MET: variants seen among roughly 807,000 people sequenced by gnomAD.
The protein encoded by MET is hepatocyte growth factor receptor.
In MET, 48 loss-of-function variants were observed where a neutral mutation model predicts 133.1. The ratio of observed to expected loss-of-function variants is 0.36; its 90% CI spans 0.29 to 0.46. The LOEUF (loss-of-function observed/expected upper bound fraction) is 0.46, where lower values mean the gene tolerates loss of function less well. Among genes scored for constraint, MET ranks in the 20% least tolerant of loss-of-function variants. The pLI is 1.00. For missense variants in MET, 1,442 were observed against 1,695.9 expected (o/e 0.85, Z 2.63); for synonymous variants, 628 against 616.5 (o/e 1.02, Z -0.28).
At chr7:116,687,892 T>G (rs1796617409) in intron 1 of MET, among the ~76,000 whole-genome samples, 1 of 152,234 alleles carries the variant, frequency 6.6e-6, no homozygotes, top group Non-Finnish European at 1.5e-5. Flanking sequence ...GGTGCTGATT[T>G]CTCTTTCTTT....
chr7:116,783,272 G>A (rs1380201461), intron 18 of MET, 32 bp from the exon 19 acceptor site: 1 of 1,613,524 alleles, frequency 6.2e-7, no homozygotes, highest in African/African-American at 1.3e-5. Flanking sequence ...TTCTATTTCA[G>A]CCACGGGTAA....
At chr7:116,707,232 T>A (rs928307784) in intron 2 of MET, among the ~76,000 whole-genome samples, 1 of 152,112 alleles carries the variant, frequency 6.6e-6, no homozygotes, top group Non-Finnish European at 1.5e-5. Context: ...GTTTTAACCA[T>A]TCTTGGTGAT....
Position 116,740,757 on chromosome 7 carries a change from A to T in MET, c.1528-95A>T. The T allele has an allele frequency of 1.4e-6, 2 of 1,476,072 alleles. 1 individual carries two copies. Among genetic ancestry groups the T allele is most frequent in the South Asian group, 2.3e-5 (2 of 87,084 alleles). 91.4% of individuals were successfully genotyped at this position (1,476,072 alleles called of 1,614,324 possible). On this transcript the variant is annotated intron_variant, in intron 4 of 20. Transcript: ENST00000397752. ...TGCTAAGTCTAGAAAATTCCATCAA[A>T]TGATATTTACATGTACCTTTTGTGT...
At position 116,681,086 on chromosome 7, in the gene MET, T is replaced by C. The variant is rs568293455; in HGVS notation, c.-15+8509T>C. On this transcript the variant is annotated intron_variant, in intron 1 of 20. Coordinates refer to ENST00000397752, the MANE Select transcript of MET (RefSeq NM_000245.4). The stretch of plus-strand genomic sequence containing the variant: ...AATTTCTGCCAACTTGTGTTACATG[T>C]GGTTTGATTCTGGAGAAAGATAGAC... Among the ~76,000 whole-genome samples the C allele has an allele frequency of 4.3e-4, 65 of 152,270 alleles. 3 individuals are homozygous for C. Among genetic ancestry groups the C allele is most frequent in the Middle Eastern group, 3.4e-3 (1 of 294 alleles).
Position 116,778,850 on chromosome 7 carries a change from G to A in MET, c.3415G>A (p.Val1139Ile), listed in dbSNP as rs1795069790. The change falls in exon 17 of 21, where the codon GTC becomes ATC. Residue 1139 changes from valine (V) to isoleucine (I), a missense_variant. This residue lies in a region of MET where 514 missense variants were observed against 659.6 expected (regional missense o/e 0.78). Coordinates refer to ENST00000397752, the MANE Select transcript of MET (RefSeq NM_000245.4). ...IIMKDFSHPN[V>I]LSLLGICLRS... Reference sequence around the variant, plus strand: ...CATGAAAGATTTTAGTCATCCCAATGTCCTCTCGCTCCTGGGAATCTGCCT... The same window carrying A: ...CATGAAAGATTTTAGTCATCCCAATATCCTCTCGCTCCTGGGAATCTGCCT... 1.2e-6 allele frequency: 2 copies of A among 1,614,046 alleles called. No individual in the cohort carries two copies. Among genetic ancestry groups the A allele is most frequent in the Non-Finnish European group, 1.7e-6 (2 of 1,179,956 alleles).
At chr7:116,780,124 C>T (rs967602884) in intron 17 of MET, among the ~76,000 whole-genome samples, 2 of 152,098 alleles carry the variant, frequency 1.3e-5, no homozygotes, top group East Asian at 3.9e-4. Context: ...CTAAGGGTTA[C>T]AAAAAAAGGT....
chr7:116,737,562 T>C (rs1793266951), intron 3 of MET, among the ~76,000 whole-genome samples: 1 of 152,208 alleles, frequency 6.6e-6, no homozygotes, highest in African/African-American at 2.4e-5. Context: ...ATGTACTTTC[T>C]AGCTGAAATT....
chr7:116,787,321 A>G (rs947949854), intron 19 of MET, among the ~76,000 whole-genome samples: 13 of 152,218 alleles, frequency 8.5e-5, no homozygotes, highest in Admixed American at 4.6e-4. Flanking sequence ...TTAAGAAGCC[A>G]GAGCCAACCC....
At position 116,758,709 on chromosome 7, in the gene MET, C is replaced by T. The variant is rs17138978; in HGVS notation, c.2264+89C>T. 50,264 of 1,326,012 alleles carry T rather than the reference C, an allele frequency of 0.038. 1,641 individuals are homozygous for T. Among genetic ancestry groups the T allele is most frequent in the East Asian group, 0.1 (4,383 of 42,598 alleles). 82.1% of individuals were successfully genotyped at this position (1,326,012 alleles called of 1,614,324 possible). ...TAGTCAAGAGGAATTGCAGTTTTAT[C>T]TCTGGCTTTGATGCTGTTATGTTGC... On this transcript the variant is annotated intron_variant, in intron 9 of 20. Transcript: ENST00000397752.
At chr7:116,728,649 C>T (rs1344889163) in intron 2 of MET, among the ~76,000 whole-genome samples, 2 of 152,186 alleles carry the variant, frequency 1.3e-5, no homozygotes, top group Non-Finnish European at 2.9e-5. Flanking sequence ...TGGGCTTTAT[C>T]TCTGGTGACT....
intron 11 of MET, among the ~76,000 whole-genome samples, chr7:116,765,191 T>C (rs1794574315): frequency 6.8e-6 from 1 of 146,660 alleles, no homozygotes; most frequent in African/African-American, 2.6e-5. Context: ...TCCCAGCTAC[T>C]CAGGAGGCTG....
chr7:116,766,792 T>TA (rs1794642879), intron 11 of MET, among the ~76,000 whole-genome samples: 1 of 152,138 alleles, frequency 6.6e-6, no homozygotes, highest in Non-Finnish European at 1.5e-5. Flanking sequence ...ATAAAGATAG[T>TA]AAAAAATATA....
intron 6 of MET, among the ~76,000 whole-genome samples, chr7:116,755,918 T>A (rs1343474952): frequency 1.3e-5 from 2 of 152,204 alleles, no homozygotes; most frequent in Admixed American, 1.3e-4. Context: ...TCTTTTAAAT[T>A]CACTTTCTAA....
At position 116,700,283 on chromosome 7, in the gene MET, G is replaced by A. The variant is rs2116607774; in HGVS notation, c.1199G>A (p.Arg400Lys). ...YGPNHEHCFNRTLLRNSSGCE... is the reference protein window; with the variant it reads ...YGPNHEHCFNKTLLRNSSGCE... ...CCCAATCATGAGCACTGCTTTAATA[G>A]GGTAAGTCACATCAGTTCCCCACTT... The change falls in exon 2 of 21, where the codon AGG (arginine) becomes AAG (lysine). Residue 400 changes from arginine to lysine, a missense_variant and splice_region_variant. Physicochemically the swap from Arg to Lys is conservative, Grantham distance 26. Around this residue, in one of 6 missense-constraint regions of MET, gnomAD observed 762 missense variants for 792.4 expected, o/e 0.96. Transcript: ENST00000397752. 6.2e-7 allele frequency: 1 copy of A among 1,602,354 alleles called. No individual in the cohort carries two copies.
intron 5 of MET, among the ~76,000 whole-genome samples, chr7:116,752,512 T>C (rs1793962757): frequency 6.6e-6 from 1 of 152,212 alleles, no homozygotes; most frequent in African/African-American, 2.4e-5. Context: ...CCAGCCATTG[T>C]TGGGTCTATC....
intron 16 of MET, 74 bp from the exon 17 acceptor site, chr7:116,778,702 C>T (rs1487490849): frequency 1.0e-5 from 15 of 1,480,894 alleles, no homozygotes; most frequent in Non-Finnish European, 1.4e-5. Flanking sequence ...TTTCATTGCT[C>T]TTCCTATCTA....
intron 5 of MET, among the ~76,000 whole-genome samples, chr7:116,754,258 G>T (rs1402818786): frequency 1.3e-5 from 2 of 152,174 alleles, no homozygotes; most frequent in East Asian, 1.9e-4. Flanking sequence ...GCAAACACTG[G>T]ATACCAAATG....
chr7:116,675,909 C>A (rs1796143669), intron 1 of MET, among the ~76,000 whole-genome samples: 1 of 152,058 alleles, frequency 6.6e-6, no homozygotes, highest in South Asian at 2.1e-4. Flanking sequence ...TATCAGAAAG[C>A]CCATTCTCAG....
rs187338174 is a variant in MET, at chr7:116,789,648, A to G, written c.3799-6007A>G. Among the ~76,000 whole-genome samples, 3 of 152,308 alleles carry G rather than the reference A, an allele frequency of 2.0e-5. No individual in the cohort carries two copies. The East Asian group carries it at 5.8e-4, about 29-fold the overall frequency. ...TTACTTTTTCTAAAATGTCATATAA[A>G]TGGAATCATGCAGTCAGTAGTCTTA... On this transcript the variant is annotated intron_variant, in intron 19 of 20. Coordinates refer to ENST00000397752, the MANE Select transcript of MET (RefSeq NM_000245.4).
Sources: gnomAD v4.1 joint callset for allele counts (sites outside exome capture counted in the v4.1 genomes callset) on GRCh38, gnomAD v4.1.1 for gene constraint, gnomAD v4.1.1 regional missense constraint, MANE v1.5 for transcripts, NCBI Gene and HGNC (gene_info 2026-07-23, HGNC 2026-07-21) for gene names.